Variants in VAV3 observed in about 807,000 individuals in gnomAD.
VAV3 encodes the protein vav guanine nucleotide exchange factor 3, also known as guanine nucleotide exchange factor VAV3.
A neutral mutation model predicts 131.2 loss-of-function variants in VAV3; 94 were observed. The observed-to-expected ratio is 0.72, with a 90% CI of 0.61 to 0.85. The LOEUF (loss-of-function observed/expected upper bound fraction) is 0.85, where lower values mean the gene tolerates loss of function less well. Among genes scored for constraint, VAV3 ranks in the 40% least tolerant of loss-of-function variants. VAV3 has a pLI of 0.00. For missense variants in VAV3, 939 were observed against 1,002.7 expected (o/e 0.94, Z 0.86); for synonymous variants, 349 against 342.0 (o/e 1.02, Z -0.22).
At chr1:107,730,124 G>A (rs1232667550) in intron 15 of VAV3, among the ~76,000 whole-genome samples, 1 of 152,176 alleles carries the variant, frequency 6.6e-6, no homozygotes, top group African/African-American at 2.4e-5. Flanking sequence ...TAAGTGACGG[G>A]TCAAACACAT....
At chr1:107,798,056 C>T (rs1471222584) in intron 2 of VAV3, among the ~76,000 whole-genome samples, 1 of 152,094 alleles carries the variant, frequency 6.6e-6, no homozygotes, top group Non-Finnish European at 1.5e-5. Context: ...CTTCTGCTTT[C>T]CCCTAAATAT....
chr1:107,878,757 G>C (rs1265402669), intron 1 of VAV3, among the ~76,000 whole-genome samples: 3 of 152,116 alleles, frequency 2.0e-5, no homozygotes, highest in Non-Finnish European at 2.9e-5. Context: ...CTACTGTAAA[G>C]GTACATGTCC....
chr1:107,736,395 T>C (rs1344047005), intron 15 of VAV3, among the ~76,000 whole-genome samples: 1 of 152,068 alleles, frequency 6.6e-6, no homozygotes, highest in Non-Finnish European at 1.5e-5. Context: ...GGGTATTCAA[T>C]TAGGAAAAGA....
At chr1:107,955,257 CTAT>C (rs1163741606) in intron 1 of VAV3, among the ~76,000 whole-genome samples, 1 of 149,854 alleles carries the variant, frequency 6.7e-6, no homozygotes, top group African/African-American at 2.5e-5. Context: ...ATGTTACCTG[CTAT>C]TATTAGTAAT....
intron 1 of VAV3, among the ~76,000 whole-genome samples, chr1:107,899,140 G>A (rs927221789): frequency 6.6e-6 from 1 of 152,136 alleles, no homozygotes; most frequent in Non-Finnish European, 1.5e-5. Context: ...TACAAGGGTG[G>A]GGGCAGAAAA....
At chr1:107,609,880 G>A (rs1652586143) in intron 22 of VAV3, 51 bp downstream of exon 22, 1 of 1,577,326 alleles carries the variant, frequency 6.3e-7, no homozygotes, top group African/African-American at 1.3e-5. Flanking sequence ...GCATCCTGGA[G>A]CTAAGGGTAT....
intron 2 of VAV3, among the ~76,000 whole-genome samples, chr1:107,848,865 C>A (rs1669096113): frequency 6.6e-6 from 1 of 152,170 alleles, no homozygotes; most frequent in East Asian, 1.9e-4. Context: ...TGATAAGCAA[C>A]TTTAACAAAG....
intron 17 of VAV3, 38 bp from the exon 18 acceptor site, chr1:107,688,444 G>A: frequency 1.2e-6 from 2 of 1,612,614 alleles, no homozygotes; most frequent in Non-Finnish European, 1.7e-6. Flanking sequence ...TCAGTGTAAA[G>A]TTATTTTGTT....
intron 19 of VAV3, among the ~76,000 whole-genome samples, chr1:107,681,896 G>A (rs367629706): frequency 2.6e-5 from 4 of 152,054 alleles, no homozygotes; most frequent in Non-Finnish European, 5.9e-5. Flanking sequence ...TCCTGACCTC[G>A]TGATCCGCCG....
intron 2 of VAV3, 88 bp from the exon 3 acceptor site, chr1:107,779,580 C>T: frequency 1.0e-6 from 1 of 981,732 alleles, no homozygotes; most frequent in Non-Finnish European, 1.4e-6. Flanking sequence ...TAATATTAAC[C>T]ATAGCAGCAG....
chr1:107,785,642 C>G, intron 2 of VAV3: 1 of 1,123,000 alleles, frequency 8.9e-7, no homozygotes, highest in Non-Finnish European at 1.1e-6. Context: ...GAGCAAGTGC[C>G]CTGTGGGGTT....
At chr1:107,800,267 CCAAA>C (rs1049045231) in intron 2 of VAV3, among the ~76,000 whole-genome samples, 10 of 149,864 alleles carry the variant, frequency 6.7e-5, no homozygotes, top group South Asian at 4.2e-4. Context: ...TGAGGAATCT[CCAAA>C]CAGTTTTCTA....
At chr1:107,701,272 G>A (rs1353949570) in intron 17 of VAV3, among the ~76,000 whole-genome samples, 1 of 151,862 alleles carries the variant, frequency 6.6e-6, no homozygotes, top group East Asian at 1.9e-4. Flanking sequence ...AACACCACAT[G>A]GAAGCTGCAA....
intron 20 of VAV3, among the ~76,000 whole-genome samples, chr1:107,636,622 A>G (rs921465928): frequency 1.4e-4 from 22 of 152,184 alleles, no homozygotes; most frequent in African/African-American, 4.6e-4. Context: ...AATATTGAAA[A>G]CTGATATAAT....
chr1:107,705,942 A>C (rs1374477197), intron 15 of VAV3, among the ~76,000 whole-genome samples: 1 of 152,222 alleles, frequency 6.6e-6, no homozygotes, highest in East Asian at 1.9e-4. Flanking sequence ...TTCATATTAA[A>C]ATAATCAAAT....
intron 20 of VAV3, among the ~76,000 whole-genome samples, chr1:107,624,348 T>C (rs6674945): frequency 0.051 from 7,658 of 150,502 alleles, 219 homozygotes; most frequent in Middle Eastern, 0.089. Flanking sequence ...ATGTACATGA[T>C]ACAATCCTAA....
At chr1:107,631,155 T>A (rs557214278) in intron 20 of VAV3, among the ~76,000 whole-genome samples, 2 of 151,854 alleles carry the variant, frequency 1.3e-5, no homozygotes, top group African/African-American at 4.8e-5. Context: ...TAACACCTAT[T>A]TTTTTTTGAG....
intron 15 of VAV3, among the ~76,000 whole-genome samples, chr1:107,720,156 A>G (rs1661392857): frequency 1.3e-5 from 2 of 152,080 alleles, no homozygotes; most frequent in South Asian, 2.1e-4. Flanking sequence ...ACATGTATAC[A>G]TATGTAACAA....
intron 1 of VAV3, among the ~76,000 whole-genome samples, chr1:107,946,931 G>A (rs1284859903): frequency 6.6e-6 from 1 of 152,182 alleles, no homozygotes; most frequent in Admixed American, 6.5e-5. Context: ...CTCTGAGGCA[G>A]GAATTTGTCA....
Sources: gnomAD v4.1 joint callset for allele counts (sites outside exome capture counted in the v4.1 genomes callset) on GRCh38, gnomAD v4.1.1 for gene constraint, MANE v1.5 for transcripts, NCBI Gene and HGNC (gene_info 2026-07-23, HGNC 2026-07-21) for gene names.